VAC14: variants seen among roughly 807,000 people sequenced by gnomAD.
VAC14 encodes VAC14 component of PIKFYVE complex.
Under a neutral mutation model 85.3 loss-of-function variants are expected in VAC14, and 47 were observed. The observed-to-expected ratio is 0.55, with a 90% confidence interval of 0.44 to 0.70. VAC14 has a LOEUF of 0.70. VAC14 is among the 30% of genes least tolerant of loss of function. The pLI is 0.00. For synonymous variants in VAC14, 447 were observed against 430.5 expected, an observed-to-expected ratio of 1.04 and a Z score of -0.47; for missense variants, 861 against 1,004.3, an observed-to-expected ratio of 0.86 and a Z score of 1.93.
chr16:70,787,009 C>T (rs1392145518), intron 1 of VAC14, among the ~76,000 whole-genome samples: 1 of 152,176 alleles, frequency 6.6e-6, no homozygotes, highest in African/African-American at 2.4e-5. Context: ...TGGCCAAGGC[C>T]ACGCAAGCTG....
intron 14 of VAC14, among the ~76,000 whole-genome samples, chr16:70,722,397 A>G (rs1474107144): frequency 6.6e-6 from 1 of 152,262 alleles, no homozygotes; most frequent in Non-Finnish European, 1.5e-5. Context: ...TCCCCATGGA[A>G]GAGGTGCCTG....
chr16:70,742,586 C>T (rs2030447443), intron 13 of VAC14, among the ~76,000 whole-genome samples: 1 of 152,250 alleles, frequency 6.6e-6, no homozygotes, highest in Admixed American at 6.5e-5. Context: ...CACTGACTGC[C>T]TAGAACTGGG....
At chr16:70,757,313 C>T (rs1362488598) in intron 12 of VAC14, among the ~76,000 whole-genome samples, 1 of 152,252 alleles carries the variant, frequency 6.6e-6, no homozygotes, top group Non-Finnish European at 1.5e-5. Context: ...ATTTCTCTTC[C>T]TCTCCCTGGA....
intron 8 of VAC14, 84 bp downstream of exon 8, chr16:70,781,785 C>A: frequency 1.3e-6 from 2 of 1,525,806 alleles, no homozygotes; most frequent in South Asian, 1.2e-5. Flanking sequence ...CCTAAGAGAG[C>A]CCCCAGCCCC....
intron 10 of VAC14, chr16:70,770,833 G>A (rs1046568009): frequency 2.6e-5 from 4 of 152,206 alleles, no homozygotes; most frequent in African/African-American, 7.2e-5. Flanking sequence ...CTCCATCAAC[G>A]TAGGGGACTC....
intron 12 of VAC14, among the ~76,000 whole-genome samples, chr16:70,759,802 G>A (rs2032172891): frequency 6.6e-6 from 1 of 152,162 alleles, no homozygotes; most frequent in African/African-American, 2.4e-5. Context: ...TCCTGCTGCT[G>A]ACATGGGCTG....
chr16:70,772,434 G>A (rs1018357253), intron 9 of VAC14: 8 of 439,108 alleles, frequency 1.8e-5, no homozygotes, highest in Non-Finnish European at 3.3e-5. Context: ...AATCTCAGAA[G>A]GGATCACTGG....
chr16:70,799,448 G>A (rs2034676563), intron 1 of VAC14, among the ~76,000 whole-genome samples: 4 of 152,182 alleles, frequency 2.6e-5, no homozygotes, highest in Admixed American at 2.6e-4. Flanking sequence ...TTCTTATCAA[G>A]GTCCGAACCC....
chr16:70,760,269 T>C (rs910225218), intron 12 of VAC14, among the ~76,000 whole-genome samples: 10 of 152,132 alleles, frequency 6.6e-5, no homozygotes, highest in Non-Finnish European at 1.3e-4. Flanking sequence ...CAGGGCTGTT[T>C]GGAAATACTT....
intron 14 of VAC14, among the ~76,000 whole-genome samples, chr16:70,730,156 C>G (rs749069716): frequency 6.6e-6 from 1 of 151,910 alleles, no homozygotes; most frequent in Non-Finnish European, 1.5e-5. Context: ...TCCTCATTCT[C>G]GAATCCGGCT....
At chr16:70,786,169 G>A (rs369394426) in intron 2 of VAC14, 46 bp downstream of exon 2, 24 of 1,598,542 alleles carry the variant, frequency 1.5e-5, no homozygotes, top group South Asian at 3.4e-5. Flanking sequence ...CTTGGTCAGC[G>A]TCAAGGCCAG....
rs1257219619 is a variant in VAC14 at position 70,731,516 on chromosome 16, A to G, written c.1640T>C (p.Val547Ala). The G allele has an allele frequency of 1.2e-6, 2 of 1,613,856 alleles. No individual in the cohort carries two copies. The highest frequency in any genetic ancestry group is 2.7e-5 in the African/African-American group (2 of 74,892). ...RFSSERKLLE[V>A]RGPFIIRQLC... is the part of the protein sequence containing the mutation. The stretch of plus-strand genomic sequence containing the variant: ...TGACCTGATGATGAAAGGGCCTCTG[A>G]CCTCCAGGAGCTTCCGTTCGCTGCT... The change falls in exon 14 of 19, where the codon GTC becomes GCC. Residue 547 changes from valine (V) to alanine (A), a missense_variant. Coordinates refer to ENST00000261776, the MANE Select transcript of VAC14 (RefSeq NM_018052.5).
At chr16:70,689,449 G>A (rs1467178810) in intron 18 of VAC14, 5 of 982,974 alleles carry the variant, frequency 5.1e-6, no homozygotes, top group East Asian at 1.1e-4. Context: ...AAGAGTCAAC[G>A]GCCAGAGCCT....
chr16:70,790,240 T>C lies in VAC14; in HGVS notation c.105-3875A>G, dbSNP rs114072748. 4.6e-3 allele frequency among the ~76,000 whole-genome samples: 708 copies of C among 152,280 alleles called. 4 individuals carry two copies. The highest frequency in any genetic ancestry group is 0.016 in the African/African-American group (684 of 41,552). On this transcript the variant is annotated intron_variant, in intron 1 of 18. Coordinates refer to ENST00000261776, the MANE Select transcript of VAC14 (RefSeq NM_018052.5). ...TACTAGGGCTCTATAAGGGTCAGCA[T>C]TGTAGACGGGTTTTGAAGGATGAGT... is the stretch of plus-strand genomic sequence containing the variant.
chr16:70,752,926 T>C (rs1032182334), intron 12 of VAC14, among the ~76,000 whole-genome samples: 3 of 151,634 alleles, frequency 2.0e-5, no homozygotes, highest in Non-Finnish European at 4.4e-5. Context: ...TGGAGAGGGA[T>C]TAGAGCTAGG....
At chr16:70,719,434 G>C (rs2054236594) in intron 14 of VAC14, among the ~76,000 whole-genome samples, 1 of 152,190 alleles carries the variant, frequency 6.6e-6, no homozygotes, top group African/African-American at 2.4e-5. Context: ...TTAAGGGAGT[G>C]ATAAGGCATG....
chr16:70,789,667 T>C (rs2034244658), intron 1 of VAC14, among the ~76,000 whole-genome samples: 1 of 152,222 alleles, frequency 6.6e-6, no homozygotes, highest in South Asian at 2.1e-4. Context: ...GAACTGAGAA[T>C]GACTTGTTTC....
At chr16:70,696,901 G>T in intron 16 of VAC14, 1 of 456,478 alleles carries the variant, frequency 2.2e-6, no homozygotes, top group Non-Finnish European at 4.1e-6. Context: ...AACCCACAGG[G>T]TTTCTCCCGG....
chr16:70,718,709 C>T (rs1200803626), intron 14 of VAC14, among the ~76,000 whole-genome samples: 3 of 152,098 alleles, frequency 2.0e-5, no homozygotes, highest in South Asian at 2.1e-4. Context: ...TGCTCCCCAA[C>T]TCCACGTGGG....
Sources: allele counts gnomAD v4.1 joint callset (sites outside exome capture counted in the v4.1 genomes callset), GRCh38; gene constraint gnomAD v4.1.1; transcripts MANE v1.5; gene names NCBI Gene and HGNC (gene_info 2026-07-23, HGNC 2026-07-21).